The following RBFOX1 variants were observed in gnomAD, a reference collection of about 807,000 sequenced individuals.
The protein encoded by RBFOX1 is RNA binding protein fox-1 homolog 1.
Under a neutral mutation model 57.7 loss-of-function variants are expected in RBFOX1, and 8 were observed. The observed-to-expected ratio is 0.14, with a 90% confidence interval of 0.08 to 0.25. The LOEUF (loss-of-function observed/expected upper bound fraction) is 0.25, where lower values mean the gene tolerates loss of function less well. Ranked by LOEUF, RBFOX1 falls within the 10% of genes least tolerant of loss-of-function variation. The probability of loss-of-function intolerance (pLI) is 1.00; values close to 1 mark genes in which losing one functional copy is unlikely to be tolerated. For synonymous variants in RBFOX1, 326 were observed against 222.4 expected (o/e 1.47, Z -4.15); for missense variants, 611 against 548.5 (o/e 1.11, Z -1.14).
chr16:7,403,196 CAGTGAAGGTATCT>C (rs755514063), intron 4 of RBFOX1, among the ~76,000 whole-genome samples: 10 of 152,092 alleles, frequency 6.6e-5, no homozygotes, highest in Non-Finnish European at 1.5e-4. Context: ...ACTCTGAATC[CAGTGAAGGTATCT>C]ATCAGCTCAG....
intron 3 of RBFOX1, among the ~76,000 whole-genome samples, chr16:6,951,196 C>T (rs760826423): frequency 2.6e-5 from 4 of 152,162 alleles, no homozygotes; most frequent in African/African-American, 4.8e-5. Flanking sequence ...TGTGAGCCAA[C>T]AGGCCCTGCC....
chr16:7,142,697 T>C (rs527743191), intron 4 of RBFOX1, among the ~76,000 whole-genome samples: 1 of 152,328 alleles, frequency 6.6e-6, no homozygotes, highest in South Asian at 2.1e-4. Flanking sequence ...GTCTTTAATA[T>C]GTGTCTCCCT....
intron 3 of RBFOX1, among the ~76,000 whole-genome samples, chr16:6,783,099 C>T (rs576240531): frequency 6.6e-6 from 1 of 151,406 alleles, no homozygotes; most frequent in Non-Finnish European, 1.5e-5. Flanking sequence ...TTTTTCTGTT[C>T]TTTCATTTTC....
chr16:6,931,035 A>G (rs1406390439), intron 3 of RBFOX1, among the ~76,000 whole-genome samples: 2 of 151,926 alleles, frequency 1.3e-5, no homozygotes, highest in Non-Finnish European at 2.9e-5. Context: ...TGTAGAAATC[A>G]GGTTTTGTTG....
At chr16:7,628,125 A>G (rs942632773) in intron 10 of RBFOX1, among the ~76,000 whole-genome samples, 2 of 152,162 alleles carry the variant, frequency 1.3e-5, no homozygotes, top group African/African-American at 2.4e-5. Context: ...TAACCATACA[A>G]TACTGAAATG....
In RBFOX1 at chr16:6,400,480, G is replaced by T. The variant is rs2093024720; in HGVS notation, c.-64+83423G>T. Among the ~76,000 whole-genome samples, 5 of 152,256 alleles carry T rather than the reference G, an allele frequency of 3.3e-5. No homozygotes were observed. In the South Asian group the frequency reaches 1.0e-3, roughly 32 times the overall value. ...TAGCTATAGATGCTGTAAATTTACT[G>T]GTTGAAATGTTAGAGAGATTTAAAG... On this transcript the variant is annotated intron_variant, in intron 2 of 15. Coordinates refer to ENST00000550418, the MANE Select transcript of RBFOX1 (RefSeq NM_018723.4).
chr16:7,119,775 C>G (rs760039807), intron 4 of RBFOX1, among the ~76,000 whole-genome samples: 1 of 152,038 alleles, frequency 6.6e-6, no homozygotes, highest in Non-Finnish European at 1.5e-5. Flanking sequence ...TGAAGTCTGT[C>G]TCACTATTTG....
intron 3 of RBFOX1, among the ~76,000 whole-genome samples, chr16:6,927,414 CAAAAA>C (rs1194663760): frequency 2.1e-4 from 11 of 53,144 alleles, no homozygotes; most frequent in Admixed American, 5.9e-4. Flanking sequence ...CGCTTTCTCA[CAAAAA>C]AAAAAAAAAA....
intron 3 of RBFOX1, among the ~76,000 whole-genome samples, chr16:6,800,724 TTTTATC>T (rs751385757): frequency 1.3e-5 from 2 of 152,164 alleles, no homozygotes; most frequent in Admixed American, 6.5e-5. Flanking sequence ...AAAAGACTCC[TTTTATC>T]TTTTAGATAA....
intron 1 of RBFOX1, among the ~76,000 whole-genome samples, chr16:5,448,643 T>A (rs1443795916): frequency 6.6e-6 from 1 of 152,140 alleles, no homozygotes; most frequent in Non-Finnish European, 1.5e-5. Flanking sequence ...AAACCAAGGA[T>A]CCTGGACCCT....
At chr16:6,672,233 T>C (rs1038077865) in intron 3 of RBFOX1, among the ~76,000 whole-genome samples, 3 of 152,212 alleles carry the variant, frequency 2.0e-5, no homozygotes, top group Admixed American at 1.3e-4. Context: ...TCATTTCTTA[T>C]AATCCACCAC....
intron 3 of RBFOX1, chr16:6,724,036 G>T (rs1050498302): frequency 1.3e-5 from 2 of 152,058 alleles, no homozygotes; most frequent in Non-Finnish European, 2.9e-5. Flanking sequence ...CTGAATATTT[G>T]TGTACCCTGA....
chr16:6,771,471 G>C (rs146486013), intron 3 of RBFOX1, among the ~76,000 whole-genome samples: 166 of 152,264 alleles, frequency 1.1e-3, no homozygotes, highest in African/African-American at 3.8e-3. Context: ...CCAGATAGCA[G>C]AGAGACTTTC....
intron 1 of RBFOX1, among the ~76,000 whole-genome samples, chr16:5,431,586 G>T (rs2067736581): frequency 6.6e-6 from 1 of 152,112 alleles, no homozygotes; most frequent in African/African-American, 2.4e-5. Context: ...TGTTGGCCAG[G>T]CTGGTCTCGA....
chr16:6,204,967 A>G (rs988696400), intron 1 of RBFOX1, among the ~76,000 whole-genome samples: 2 of 152,212 alleles, frequency 1.3e-5, no homozygotes, highest in Non-Finnish European at 2.9e-5. Flanking sequence ...GTAGCACAAT[A>G]TTATTAGCAA....
rs189494079 is a variant in RBFOX1, at chr16:7,706,283, A to G, written c.996-2773A>G. 9.3e-4 allele frequency among the ~76,000 whole-genome samples: 141 copies of G among 152,332 alleles called. 1 individual carries two copies. Among genetic ancestry groups the G allele is most frequent in the African/African-American group, 3.3e-3 (137 of 41,584 alleles). ...AAATGAAATTTATTAATCATAATAA[A>G]ACCATTGGATTCTGAAGGTAGAGGT... On this transcript the variant is annotated intron_variant, in intron 14 of 15. Coordinates refer to ENST00000550418, the MANE Select transcript of RBFOX1 (RefSeq NM_018723.4).
intron 4 of RBFOX1, among the ~76,000 whole-genome samples, chr16:7,255,264 G>T (rs1263878843): frequency 6.6e-6 from 1 of 152,176 alleles, no homozygotes; most frequent in East Asian, 1.9e-4. Context: ...AAAATTGCCT[G>T]ACCTTAAACT....
intron 1 of RBFOX1, among the ~76,000 whole-genome samples, chr16:6,101,037 T>G (rs1043831353): frequency 7.9e-5 from 12 of 152,212 alleles, no homozygotes; most frequent in Non-Finnish European, 8.8e-5. Context: ...ATGTCAGTTT[T>G]ACCCCAAGTC....
chr16:5,948,968 T>A (rs1354021349), intron 4 of RBFOX1, among the ~76,000 whole-genome samples: 2 of 152,192 alleles, frequency 1.3e-5, no homozygotes, highest in Non-Finnish European at 2.9e-5. Context: ...CTGTTTGGCA[T>A]CTTCTCTCTT....
Sources: gnomAD v4.1 joint callset for allele counts (sites outside exome capture counted in the v4.1 genomes callset) on GRCh38, gnomAD v4.1.1 for gene constraint, MANE v1.5 for transcripts, NCBI Gene and HGNC (gene_info 2026-07-23, HGNC 2026-07-21) for gene names.